The following ZFR2 variants were observed in gnomAD, a reference collection of about 807,000 sequenced individuals.
The protein encoded by ZFR2 is zinc finger RNA-binding protein 2.
ZFR2 carries 104 observed loss-of-function variants against 105.7 expected under a neutral mutation model. The observed-to-expected ratio is 0.98, with a 90% confidence interval of 0.84 to 1.16. ZFR2 has a LOEUF of 1.16. Ranked by LOEUF, ZFR2 falls within the 50% of genes most tolerant of loss-of-function variation. The pLI, the probability that ZFR2 is intolerant of heterozygous loss-of-function variation, is 0.00. For missense variants in ZFR2, 1,425 were observed against 1,355.5 expected (o/e 1.05, Z -0.80); for synonymous variants, 634 against 597.7 (o/e 1.06, Z -0.89).
chr19:3,822,404 C>G (rs1238647244), intron 8 of ZFR2, among the ~76,000 whole-genome samples: 1 of 151,688 alleles, frequency 6.6e-6, no homozygotes, highest in Non-Finnish European at 1.5e-5. Flanking sequence ...CCTCAAACTC[C>G]TGGGCTCAAG....
chr19:3,829,454 TTG>T (rs113401682), intron 5 of ZFR2, among the ~76,000 whole-genome samples: 1,735 of 149,258 alleles, frequency 0.012, 60 homozygotes, highest in Admixed American at 0.069. Flanking sequence ...ATAGGTAGGT[TTG>T]TGTGTGTGTG....
chr19:3,845,505 C>A (rs1043661093), intron 1 of ZFR2, among the ~76,000 whole-genome samples: 2 of 148,090 alleles, frequency 1.4e-5, no homozygotes, highest in African/African-American at 5.0e-5. Flanking sequence ...GGTAAAACTG[C>A]AACATGGTCC....
intron 1 of ZFR2, among the ~76,000 whole-genome samples, chr19:3,841,915 T>C (rs1014024782): frequency 1.3e-5 from 2 of 151,986 alleles, no homozygotes; most frequent in East Asian, 3.9e-4. Flanking sequence ...GCCTCCCAAG[T>C]AGCTAGGATT....
Position 3,821,360 on chromosome 19 carries a change from C to T in ZFR2, c.1611G>A (p.Arg537=), listed in dbSNP as rs763602096. The T allele has an allele frequency of 1.2e-4, 185 of 1,603,130 alleles. No individual in the cohort carries two copies. The highest frequency in any genetic ancestry group is 1.5e-4 in the Non-Finnish European group (182 of 1,176,434). The change falls in exon 10 of 19, where the codon CGG becomes CGA. Residue 537 remains arginine (R), a synonymous_variant. Transcript: ENST00000262961. The stretch of plus-strand genomic sequence containing the variant: ...GGCACCTCCTCTCCGCGTGCCAGCG[C>T]CGCAGCTGCTCCAGCCGCTCCTCCG... The part of the protein sequence containing the change: ...HLAEERLEQL[R]RWHAERRRLE...
intron 1 of ZFR2, among the ~76,000 whole-genome samples, chr19:3,847,212 T>G (rs750146885): frequency 7.2e-5 from 11 of 152,134 alleles, no homozygotes; most frequent in Non-Finnish European, 1.2e-4. Context: ...CTTGTTATGA[T>G]GCAGCTTCAG....
At chr19:3,812,845 G>A (rs1273030007) in intron 14 of ZFR2, among the ~76,000 whole-genome samples, 2 of 152,178 alleles carry the variant, frequency 1.3e-5, no homozygotes, top group African/African-American at 4.8e-5. Context: ...TTGGGAGGCC[G>A]AGGTGGGTGG....
chr19:3,843,433 T>C (rs936271794), intron 1 of ZFR2, among the ~76,000 whole-genome samples: 1 of 152,100 alleles, frequency 6.6e-6, no homozygotes, highest in Non-Finnish European at 1.5e-5. Flanking sequence ...ATCGCGCCAC[T>C]GCACTCCAGC....
chr19:3,850,089 G>C (rs2038221757), intron 1 of ZFR2, among the ~76,000 whole-genome samples: 1 of 152,272 alleles, frequency 6.6e-6, no homozygotes, highest in Middle Eastern at 3.4e-3. Context: ...CAGGAATGGA[G>C]TGCCTCTCCT....
rs371879340 is a variant in ZFR2, at chr19:3,834,832, C to T, written c.205G>A (p.Ala69Thr). 28 of 1,611,948 alleles carry T rather than the reference C, an allele frequency of 1.7e-5. No homozygotes were observed. Among genetic ancestry groups the T allele is most frequent in the African/African-American group, 1.6e-4 (12 of 75,030 alleles). Reference sequence around the variant, plus strand: ...GGCTCCTGGGGTCGGCTGCCGTAGGCGAAGTCCTGGCCGGAGTGGGGCTGG... The same window carrying T: ...GGCTCCTGGGGTCGGCTGCCGTAGGTGAAGTCCTGGCCGGAGTGGGGCTGG... Reference protein sequence around the residue: ...GYQPHSGQDFAYGSRPQEPVP... With the variant: ...GYQPHSGQDFTYGSRPQEPVP... The change falls in exon 2 of 19, where the codon GCC (alanine) becomes ACC (threonine). Residue 69 changes from alanine (A) to threonine (T), a missense_variant. Transcript: ENST00000262961. The surrounding 1 kb of genome is among the most constrained non-coding windows in gnomAD (Gnocchi z 5.3).
chr19:3,857,747 A>G (rs2038324159), intron 1 of ZFR2, among the ~76,000 whole-genome samples: 1 of 150,908 alleles, frequency 6.6e-6, no homozygotes, highest in Non-Finnish European at 1.5e-5. Context: ...AAGCCTGCCC[A>G]TAACCAATGA....
chr19:3,808,132 C>T (rs966637577), intron 17 of ZFR2, among the ~76,000 whole-genome samples: 1 of 134,420 alleles, frequency 7.4e-6, no homozygotes, highest in Non-Finnish European at 1.6e-5. Flanking sequence ...TGTGCCCGTG[C>T]GTATGTGTGC....
intron 5 of ZFR2, among the ~76,000 whole-genome samples, chr19:3,830,982 TAC>T (rs1021207496): frequency 1.0e-4 from 11 of 105,228 alleles, no homozygotes; most frequent in East Asian, 7.8e-4. Flanking sequence ...TGCACACACA[TAC>T]ACACACGCTT....
At chr19:3,849,833 C>T (rs138423589) in intron 1 of ZFR2, among the ~76,000 whole-genome samples, 30 of 152,260 alleles carry the variant, frequency 2.0e-4, no homozygotes, top group African/African-American at 6.7e-4. Flanking sequence ...TGAGCCAGGG[C>T]GCAGGGAAAA....
At chr19:3,868,461 AC>A (rs1414620251) in intron 1 of ZFR2, among the ~76,000 whole-genome samples, 2 of 143,384 alleles carry the variant, frequency 1.4e-5, no homozygotes, top group Non-Finnish European at 3.0e-5. Flanking sequence ...CTCTTCCCCT[AC>A]CAGCAATCAG....
intron 5 of ZFR2, among the ~76,000 whole-genome samples, chr19:3,828,109 C>T (rs960854541): frequency 2.0e-5 from 3 of 151,756 alleles, no homozygotes; most frequent in East Asian, 1.9e-4. Context: ...AGCGCACCAC[C>T]GCGCCCAGCC....
In ZFR2 at chr19:3,823,356, G is replaced by A; in HGVS notation, c.1261C>T (p.Pro421Ser). Residue 421 changes from proline to serine, a missense_variant, in exon 8 of 19, where the codon CCA (proline) becomes TCA (serine). Coordinates refer to ENST00000262961, the MANE Select transcript of ZFR2 (RefSeq NM_015174.2). This position sits in a 1 kb window ranked among gnomAD's most constrained non-coding sequence, Gnocchi z 5.4. ...GGACCCTCTAATTTAGGTTGGGCTG[G>A]TTTCCCCCACTGGGGTCTGCAGCCT... is the stretch of plus-strand genomic sequence containing the variant. Reference protein sequence around the residue: ...AAGCRPQWGKPAQPKLEGPGA... With the variant: ...AAGCRPQWGKSAQPKLEGPGA... The A allele has an allele frequency of 6.2e-7, 1 of 1,613,840 alleles. No individual in the cohort carries two copies. Among genetic ancestry groups the A allele is most frequent in the Admixed American group, 1.7e-5 (1 of 60,004 alleles).
chr19:3,862,169 C>T (rs2038381339), intron 1 of ZFR2, among the ~76,000 whole-genome samples: 2 of 152,172 alleles, frequency 1.3e-5, no homozygotes, highest in South Asian at 4.1e-4. Context: ...TCTAAATACA[C>T]ACGTTGGTAG....
chr19:3,808,928 G>A lies in ZFR2; in HGVS notation c.2489C>T (p.Pro830Leu), dbSNP rs867973622. ...AVSSAAGPLG[P>L]GDAVRRVLEC... ...CAGGACTCGCCTGACTGCATCCCCGGGGCCCAGGGGCCCAGCCGCACTGCT... is the reference window on the plus strand; with the variant it reads ...CAGGACTCGCCTGACTGCATCCCCGAGGCCCAGGGGCCCAGCCGCACTGCT... Residue 830 changes from proline to leucine, a missense_variant, in exon 17 of 19, where the codon CCC (proline) becomes CTC (leucine). Physicochemically the swap from Pro to Leu is moderately conservative, Grantham distance 98. Transcript: ENST00000262961. 2.0e-5 allele frequency: 31 copies of A among 1,571,636 alleles called. No individual in the cohort carries two copies. Among genetic ancestry groups the A allele is most frequent in the Non-Finnish European group, 2.5e-5 (29 of 1,160,850 alleles).
chr19:3,814,018 C>A, intron 13 of ZFR2, 60 bp from the exon 14 acceptor site: 2 of 1,600,328 alleles, frequency 1.2e-6, no homozygotes, highest in South Asian at 2.2e-5. Context: ...ATGTGTAAAT[C>A]AGCCAGGATG....
Sources: gnomAD v4.1 joint callset for allele counts (sites outside exome capture counted in the v4.1 genomes callset) on GRCh38, gnomAD v4.1.1 for gene constraint, Gnocchi (gnomAD v3.1) non-coding constraint, MANE v1.5 for transcripts, NCBI Gene and HGNC (gene_info 2026-07-23, HGNC 2026-07-21) for gene names.